The following ZNF148 variants were observed in gnomAD, a reference collection of about 807,000 sequenced individuals.
The protein encoded by ZNF148 is Beta-Enolase Repressor Factor-1.
ZNF148 carries 7 observed loss-of-function variants against 67.7 expected under a neutral mutation model. The observed-to-expected ratio is 0.10, with a 90% confidence interval of 0.06 to 0.19. ZNF148 has a LOEUF of 0.19. Ranked by LOEUF, ZNF148 falls within the 10% of genes least tolerant of loss-of-function variation. ZNF148 has a pLI of 1.00. For synonymous variants in ZNF148, 333 were observed against 330.7 expected (o/e 1.01, Z -0.08); for missense variants, 583 against 947.1 (o/e 0.62, Z 5.05).
At chr3:125,260,560 C>T (rs9862499) in intron 7 of ZNF148, among the ~76,000 whole-genome samples, 10,852 of 152,136 alleles carry the variant, frequency 0.071, 552 homozygotes, top group Non-Finnish European at 0.098. Context: ...CTGGAAGAGG[C>T]AAAACTACAG....
intron 1 of ZNF148, among the ~76,000 whole-genome samples, chr3:125,362,046 T>C (rs1942559261): frequency 6.6e-6 from 1 of 152,118 alleles, no homozygotes; most frequent in African/African-American, 2.4e-5. Flanking sequence ...TCACTATGCA[T>C]CTCCCCAGTG....
At chr3:125,261,021 G>C (rs1579644872) in intron 7 of ZNF148, among the ~76,000 whole-genome samples, 1 of 152,120 alleles carries the variant, frequency 6.6e-6, no homozygotes, top group Non-Finnish European at 1.5e-5. Context: ...ACAGGGTGGG[G>C]GAAGTGTTGG....
intron 7 of ZNF148, among the ~76,000 whole-genome samples, chr3:125,262,776 G>A (rs1158710069): frequency 6.6e-6 from 1 of 152,178 alleles, no homozygotes; most frequent in Non-Finnish European, 1.5e-5. Flanking sequence ...AGCTTCCATA[G>A]CTGACAGAAA....
chr3:125,254,502 T>C (rs1397247238), intron 7 of ZNF148, among the ~76,000 whole-genome samples: 1 of 152,222 alleles, frequency 6.6e-6, no homozygotes, highest in African/African-American at 2.4e-5. Context: ...TGTGAATCTG[T>C]CTACTTCATT....
intron 7 of ZNF148, among the ~76,000 whole-genome samples, chr3:125,244,000 G>A (rs1346473585): frequency 6.6e-6 from 1 of 152,130 alleles, no homozygotes; most frequent in Non-Finnish European, 1.5e-5. Flanking sequence ...GCACTTGAGT[G>A]ATTTCAAGAA....
intron 3 of ZNF148, among the ~76,000 whole-genome samples, chr3:125,317,431 A>G (rs1450574804): frequency 1.3e-5 from 2 of 152,146 alleles, no homozygotes; most frequent in Non-Finnish European, 2.9e-5. Flanking sequence ...AGAAGTAAGT[A>G]TAAGGATGTT....
intron 2 of ZNF148, among the ~76,000 whole-genome samples, chr3:125,329,496 G>A (rs1034078406): frequency 7.9e-5 from 12 of 151,398 alleles, no homozygotes; most frequent in African/African-American, 2.7e-4. Context: ...CGAGTAGCTG[G>A]GGTAACAGGC....
In ZNF148 at chr3:125,233,262, C is replaced by G. The variant is rs375626696; in HGVS notation, c.1464G>C (p.Ala488=). The change falls in exon 9 of 9, where the codon GCG becomes GCC. Residue 488 remains alanine, a synonymous_variant. Coordinates refer to ENST00000360647, the MANE Select transcript of ZNF148 (RefSeq NM_021964.3). This position sits in a 1 kb window ranked among gnomAD's most constrained non-coding sequence, Gnocchi z 5.1. The part of the protein sequence containing the change: ...QAASNNSREY[A]LNVGTIASQP... ...GAGAAGCTATGGTACCCACATTCAG[C>G]GCATATTCCCTGCTGTTGTTACTTG... The G allele has an allele frequency of 4.3e-6, 7 of 1,613,888 alleles. No homozygotes were observed. The highest frequency in any genetic ancestry group is 4.5e-5 in the East Asian group (2 of 44,876).
At chr3:125,345,957 G>T (rs1348053748) in intron 1 of ZNF148, among the ~76,000 whole-genome samples, 1 of 152,062 alleles carries the variant, frequency 6.6e-6, no homozygotes, top group African/African-American at 2.4e-5. Flanking sequence ...CAAAACTTGG[G>T]GAGAATATTC....
chr3:125,232,745 A>C lies in ZNF148; in HGVS notation c.1981T>G (p.Ser661Ala). Residue 661 changes from serine to alanine, a missense_variant, in exon 9 of 9, where the codon TCA becomes GCA. By Grantham distance (99) the Ser-to-Ala change is moderately conservative. Transcript: ENST00000360647. The surrounding 1 kb of genome is among the most constrained non-coding windows in gnomAD (Gnocchi z 4.2). ...YATMPINSFR[S>A]GMNSPLRTTP... ...GTTCTTAGTGGAGAATTCATTCCTGATCGAAAGCTATTGATGGGCATGGTG... is the reference window on the plus strand; with the variant it reads ...GTTCTTAGTGGAGAATTCATTCCTGCTCGAAAGCTATTGATGGGCATGGTG... 6.2e-7 allele frequency: 1 copy of C among 1,613,868 alleles called. No homozygotes were observed.
intron 5 of ZNF148, among the ~76,000 whole-genome samples, chr3:125,284,371 A>C (rs1052161676): frequency 1.3e-5 from 2 of 152,140 alleles, no homozygotes; most frequent in Non-Finnish European, 2.9e-5. Flanking sequence ...ACAGACTCAA[A>C]GGGGCAAAGG....
intron 4 of ZNF148, among the ~76,000 whole-genome samples, chr3:125,311,963 C>T (rs1281564729): frequency 6.6e-6 from 1 of 152,142 alleles, no homozygotes; most frequent in Non-Finnish European, 1.5e-5. Context: ...CTTTCCAAAA[C>T]AGAAAGCACC....
At chr3:125,311,568 T>C (rs1327892312) in intron 4 of ZNF148, among the ~76,000 whole-genome samples, 1 of 152,244 alleles carries the variant, frequency 6.6e-6, no homozygotes. Context: ...TGTCCTGATA[T>C]AAGACAGTGT....
intron 4 of ZNF148, among the ~76,000 whole-genome samples, chr3:125,295,885 G>C (rs180837938): frequency 8.0e-4 from 121 of 152,166 alleles, no homozygotes; most frequent in Non-Finnish European, 1.3e-3. Flanking sequence ...TACATGAAAA[G>C]CACCTTGAAC....
intron 1 of ZNF148, among the ~76,000 whole-genome samples, chr3:125,350,052 A>AT (rs534209388): frequency 2.5e-4 from 38 of 152,240 alleles, no homozygotes; most frequent in Admixed American, 1.4e-3. Context: ...GGTGCATAAT[A>AT]TTTTTTTTAA....
chr3:125,313,685 T>A, intron 3 of ZNF148, 29 bp from the exon 4 acceptor site: 1 of 1,532,284 alleles, frequency 6.5e-7, no homozygotes, highest in Non-Finnish European at 8.9e-7. Context: ...CAACAAAACA[T>A]AGTAAATTAG....
chr3:125,260,396 A>G (rs1268753162), intron 7 of ZNF148, among the ~76,000 whole-genome samples: 3 of 152,150 alleles, frequency 2.0e-5, no homozygotes, highest in African/African-American at 7.2e-5. Context: ...CAGCAATATC[A>G]CTCCAAGGTA....
rs149252325 is a variant in ZNF148, at chr3:125,260,161, T to C, written c.667+17565A>G. On this transcript the variant is annotated intron_variant, in intron 7 of 8. Coordinates refer to ENST00000360647, the MANE Select transcript of ZNF148 (RefSeq NM_021964.3). ...AACATCAAAGATCACCGATCACAAA[T>C]CACCACAACAGGTAATACTGAAAAG... Among the ~76,000 whole-genome samples the C allele has an allele frequency of 5.9e-5, 9 of 152,104 alleles. No homozygotes were observed. In the East Asian group the frequency reaches 1.7e-3, roughly 29 times the overall value.
chr3:125,370,322 C>T (rs1942838154), intron 1 of ZNF148, among the ~76,000 whole-genome samples: 2 of 152,164 alleles, frequency 1.3e-5, no homozygotes, highest in Admixed American at 1.3e-4. Flanking sequence ...AACACACACA[C>T]ACACAGTTTT....
Sources: gnomAD v4.1 joint callset for allele counts (sites outside exome capture counted in the v4.1 genomes callset) on GRCh38, gnomAD v4.1.1 for gene constraint, Gnocchi (gnomAD v3.1) non-coding constraint, MANE v1.5 for transcripts, NCBI Gene and HGNC (gene_info 2026-07-23, HGNC 2026-07-21) for gene names.